The following EPHA3 variants were observed in gnomAD, a reference collection of about 807,000 sequenced individuals.
EPHA3 encodes ephrin type-A receptor 3.
A neutral mutation model predicts 107.1 loss-of-function variants in EPHA3; 42 were observed. That is an observed-to-expected ratio of 0.39 (90% CI 0.31 to 0.51). EPHA3 has a LOEUF of 0.51. Ranked by LOEUF, EPHA3 falls within the 20% of genes least tolerant of loss-of-function variation. EPHA3 has a pLI of 0.78. For missense variants in EPHA3, 1,183 were observed against 1,211.2 expected (o/e 0.98, Z 0.35); for synonymous variants, 461 against 424.8 (o/e 1.09, Z -1.05).
intron 13 of EPHA3, 103 bp from the exon 14 acceptor site, chr3:89,449,122 A>C (rs746982668): frequency 1.7e-6 from 2 of 1,149,036 alleles, no homozygotes; most frequent in Non-Finnish European, 2.3e-6. Flanking sequence ...TCCATTTCAG[A>C]ACAGAAATAC....
At chr3:89,228,586 G>A (rs1399867663) in intron 3 of EPHA3, among the ~76,000 whole-genome samples, 1 of 151,820 alleles carries the variant, frequency 6.6e-6, no homozygotes, top group Non-Finnish European at 1.5e-5. Flanking sequence ...ATGCAGTCAC[G>A]ATTTTAGGAA....
intron 11 of EPHA3, among the ~76,000 whole-genome samples, chr3:89,424,979 T>A (rs1709427791): frequency 1.3e-5 from 2 of 151,498 alleles, no homozygotes; most frequent in South Asian, 4.1e-4. Flanking sequence ...ATCCTGATTT[T>A]GAAGAAAGAA....
intron 5 of EPHA3, among the ~76,000 whole-genome samples, chr3:89,363,787 AC>A (rs1159591099): frequency 6.6e-6 from 1 of 150,826 alleles, no homozygotes; most frequent in Admixed American, 6.7e-5. Context: ...TAAAGAAAAT[AC>A]TAATCTTTTA....
At chr3:89,217,167 G>T (rs1331951073) in intron 3 of EPHA3, among the ~76,000 whole-genome samples, 1 of 152,126 alleles carries the variant, frequency 6.6e-6, no homozygotes, top group Non-Finnish European at 1.5e-5. Context: ...CTGACAGCTG[G>T]CACTAAAGTT....
At chr3:89,359,802 CAT>C (rs1030118592) in intron 5 of EPHA3, among the ~76,000 whole-genome samples, 3 of 141,386 alleles carry the variant, frequency 2.1e-5, no homozygotes, top group Non-Finnish European at 3.1e-5. Flanking sequence ...CATATATACA[CAT>C]ATATATACAT....
At chr3:89,252,289 T>C (rs575189344) in intron 3 of EPHA3, among the ~76,000 whole-genome samples, 5 of 152,306 alleles carry the variant, frequency 3.3e-5, no homozygotes, top group Admixed American at 2.0e-4. Context: ...TTTAAACATA[T>C]ATTATGCTGG....
chr3:89,439,718 T>C (rs1192572706), intron 13 of EPHA3, among the ~76,000 whole-genome samples: 2 of 147,086 alleles, frequency 1.4e-5, no homozygotes, highest in Non-Finnish European at 3.0e-5. Context: ...CAGACTCATA[T>C]TAAGGCACAC....
At position 89,479,454 on chromosome 3, in the gene EPHA3, C is replaced by G. The variant is rs2107581581; in HGVS notation, c.2904C>G (p.Ser968Arg). Residue 968 changes from serine to arginine, a missense_variant, in exon 17 of 17, where the codon AGC becomes AGG. Physicochemically the swap from Ser to Arg is moderately radical, Grantham distance 110. Transcript: ENST00000336596. ...GGCCACAGAAGAAGATCATCAGTAGCATTAAAGCTCTAGAAACGCAATCAA... is the reference window on the plus strand; with the variant it reads ...GGCCACAGAAGAAGATCATCAGTAGGATTAAAGCTCTAGAAACGCAATCAA... ...VVGPQKKIIS[S>R]IKALETQSKN... 6.2e-7 allele frequency: 1 copy of G among 1,614,142 alleles called. No homozygotes were observed. The highest frequency in any genetic ancestry group is 8.5e-7 in the Non-Finnish European group (1 of 1,180,028).
intron 2 of EPHA3, among the ~76,000 whole-genome samples, chr3:89,174,109 T>C (rs1041787529): frequency 6.6e-6 from 1 of 151,930 alleles, no homozygotes; most frequent in Non-Finnish European, 1.5e-5. Context: ...GGAGATAAGT[T>C]ATAATAGTTT....
chr3:89,455,336 T>G (rs1710074896), intron 15 of EPHA3, among the ~76,000 whole-genome samples: 1 of 152,066 alleles, frequency 6.6e-6, no homozygotes, highest in East Asian at 1.9e-4. Context: ...AGAATATTCT[T>G]GGCACAGGAT....
At chr3:89,450,704 C>T (rs1472726897) in intron 15 of EPHA3, among the ~76,000 whole-genome samples, 2 of 151,938 alleles carry the variant, frequency 1.3e-5, no homozygotes, top group African/African-American at 2.4e-5. Context: ...GTCAGGAGTT[C>T]GAGACCAGCC....
intron 3 of EPHA3, among the ~76,000 whole-genome samples, chr3:89,293,972 T>A (rs757030434): frequency 2.6e-5 from 4 of 152,158 alleles, no homozygotes; most frequent in Non-Finnish European, 5.9e-5. Context: ...GAATTTTACA[T>A]AATTTTCATG....
rs748710776 is a variant in EPHA3 at position 89,127,288 on chromosome 3, C to T, written c.153+15C>T. The T allele has an allele frequency of 1.2e-6, 2 of 1,600,564 alleles. No homozygotes were observed. The highest frequency in any genetic ancestry group is 2.2e-5 in the South Asian group (2 of 90,652). On this transcript the variant is annotated intron_variant, in intron 2 of 16. Coordinates refer to ENST00000336596, the MANE Select transcript of EPHA3 (RefSeq NM_005233.6). ...CATCACATGGGGTGAGTTCAATAAA[C>T]TATCACAAGGAAACATTTTCTCTAT...
intron 3 of EPHA3, among the ~76,000 whole-genome samples, chr3:89,277,708 C>T (rs1245170974): frequency 1.3e-5 from 2 of 152,022 alleles, no homozygotes; most frequent in African/African-American, 4.8e-5. Context: ...TAATATGATG[C>T]CCTAGTGTTC....
At position 89,472,448 on chromosome 3, in the gene EPHA3, G is replaced by A. The variant is rs1710421929; in HGVS notation, c.2691-16G>A. The A allele has an allele frequency of 6.2e-7, 1 of 1,601,448 alleles. No homozygotes were observed. The highest frequency in any genetic ancestry group is 1.4e-5 in the African/African-American group (1 of 72,292). On this transcript the variant is annotated splice_polypyrimidine_tract_variant and intron_variant, in intron 15 of 16. Transcript: ENST00000336596. ...GACTCCTGATCTGTCTCCCTTTGGT[G>A]TTTTTTTTCTTGCAGGCCATCAAAC...
At chr3:89,434,535 G>A (rs999391228) in intron 13 of EPHA3, among the ~76,000 whole-genome samples, 2 of 152,006 alleles carry the variant, frequency 1.3e-5, no homozygotes, top group Non-Finnish European at 2.9e-5. Flanking sequence ...AAATTATTAT[G>A]TGAGAGCATC....
chr3:89,454,948 A>G (rs996823997), intron 15 of EPHA3, among the ~76,000 whole-genome samples: 1 of 152,142 alleles, frequency 6.6e-6, no homozygotes, highest in Non-Finnish European at 1.5e-5. Flanking sequence ...GAGCAATGGT[A>G]ACAACACTGC....
At chr3:89,256,943 CA>C (rs1005797319) in intron 3 of EPHA3, among the ~76,000 whole-genome samples, 4 of 152,146 alleles carry the variant, frequency 2.6e-5, no homozygotes, top group African/African-American at 9.7e-5. Flanking sequence ...ATCTCTTTCA[CA>C]ATCTAATGGT....
intron 2 of EPHA3, among the ~76,000 whole-genome samples, chr3:89,185,835 G>T (rs1576213084): frequency 6.6e-6 from 1 of 152,032 alleles, no homozygotes; most frequent in Admixed American, 6.6e-5. Flanking sequence ...CAAGCAACAG[G>T]ATTTAGAGGG....
Sources: gnomAD v4.1 joint callset for allele counts (sites outside exome capture counted in the v4.1 genomes callset) on GRCh38, gnomAD v4.1.1 for gene constraint, MANE v1.5 for transcripts, NCBI Gene and HGNC (gene_info 2026-07-23, HGNC 2026-07-21) for gene names.